Variants in PKN2 observed in about 807,000 individuals in gnomAD.
PKN2 encodes the protein serine/threonine-protein kinase N2.
PKN2 carries 38 observed loss-of-function variants against 119.1 expected under a neutral mutation model. That is an observed-to-expected ratio of 0.32 (90% CI 0.25 to 0.42). The LOEUF (loss-of-function observed/expected upper bound fraction) is 0.42. Among genes scored for constraint, PKN2 ranks in the 10% least tolerant of loss-of-function variants. PKN2 has a pLI of 1.00. For missense variants in PKN2, 850 were observed against 1,165.1 expected, an observed-to-expected ratio of 0.73 and a Z score of 3.94; for synonymous variants, 390 against 384.9, an observed-to-expected ratio of 1.01 and a Z score of -0.15.
chr1:88,737,461 G>C (rs934101820), intron 1 of PKN2, among the ~76,000 whole-genome samples: 3 of 151,922 alleles, frequency 2.0e-5, no homozygotes, highest in Admixed American at 2.0e-4. Context: ...CCCAGTAGAT[G>C]GAGGCACTCT....
rs1445318916 is a variant in PKN2 at position 88,770,435 on chromosome 1, G to A, written c.588G>A (p.Gln196=). 2 of 1,610,948 alleles carry A rather than the reference G, an allele frequency of 1.2e-6. No individual in the cohort carries two copies. The highest frequency in any genetic ancestry group is 1.1e-5 in the South Asian group (1 of 91,020). ...AAGTCATACGAATGCAGATTCTTCA[G>A]GCAGTCCAGACTAATGAATTGGCTT... ...KIEVIRMQIL[Q]AVQTNELAFD... The change falls in exon 4 of 22, where the codon CAG becomes CAA. Residue 196 remains glutamine (Q), a synonymous_variant. Transcript: ENST00000370521.
At chr1:88,699,789 TTTTTTA>T (rs1268857406) in intron 1 of PKN2, among the ~76,000 whole-genome samples, 2 of 152,096 alleles carry the variant, frequency 1.3e-5, no homozygotes, top group African/African-American at 2.4e-5. Context: ...AATTTTTTTA[TTTTTTA>T]TTTTTGAGAT....
intron 1 of PKN2, among the ~76,000 whole-genome samples, chr1:88,737,491 G>A (rs370051434): frequency 3.3e-5 from 5 of 152,136 alleles, no homozygotes; most frequent in Admixed American, 6.5e-5. Flanking sequence ...GCTGCCTAGG[G>A]TTGGAAGAAG....
intron 8 of PKN2, among the ~76,000 whole-genome samples, chr1:88,794,110 G>C (rs1670959975): frequency 6.6e-6 from 1 of 152,198 alleles, no homozygotes; most frequent in Non-Finnish European, 1.5e-5. Context: ...GCTCACGCCT[G>C]TAATCCCAGC....
chr1:88,782,546 A>G lies in PKN2; in HGVS notation c.986-2093A>G, dbSNP rs6659957. Among the ~76,000 whole-genome samples, 649 of 151,764 alleles carry G rather than the reference A, an allele frequency of 4.3e-3. 2 individuals are homozygous for G. Among genetic ancestry groups the G allele is most frequent in the African/African-American group, 0.015 (611 of 41,368 alleles). ...TCTTTAGTGTCTTCTATTTTTGATA[A>G]TTTCTTTGCTGTGTCTTCAAGGACA... On this transcript the variant is annotated intron_variant, in intron 6 of 21. Coordinates refer to ENST00000370521, the MANE Select transcript of PKN2 (RefSeq NM_006256.4).
Position 88,833,384 on chromosome 1 carries a change from G to C in PKN2, c.2891G>C (p.Arg964Thr), listed in dbSNP as rs761812508. 3 of 1,613,246 alleles carry C rather than the reference G, an allele frequency of 1.9e-6. No individual in the cohort carries two copies. The Admixed American group carries it at 5.0e-5, about 27-fold the overall frequency. ...ATTCTGACTCCACCTCGAGAACCAA[G>C]GATACTTTCGGAAGAGGAGCAGGAA... The part of the protein sequence containing the change: ...APILTPPREP[R>T]ILSEEEQEMF... The change falls in exon 22 of 22, where the codon AGG becomes ACG. Residue 964 changes from arginine to threonine, a missense_variant. Transcript: ENST00000370521.
intron 6 of PKN2, among the ~76,000 whole-genome samples, chr1:88,784,287 C>G (rs916395658): frequency 6.6e-6 from 1 of 151,836 alleles, no homozygotes; most frequent in Non-Finnish European, 1.5e-5. Flanking sequence ...CCTCGCCCAG[C>G]TAATTTTTTG....
intron 1 of PKN2, among the ~76,000 whole-genome samples, chr1:88,734,238 A>G (rs1276535478): frequency 6.6e-6 from 1 of 151,494 alleles, no homozygotes; most frequent in African/African-American, 2.4e-5. Context: ...TTTGTTGCCC[A>G]TGCTTTTCAG....
chr1:88,694,816 A>G (rs953315152), intron 1 of PKN2, among the ~76,000 whole-genome samples: 2 of 152,168 alleles, frequency 1.3e-5, no homozygotes, highest in African/African-American at 2.4e-5. Flanking sequence ...GTATCATGGT[A>G]TCTCATTTCT....
chr1:88,742,372 T>C (rs1361023176), intron 2 of PKN2, among the ~76,000 whole-genome samples: 1 of 152,172 alleles, frequency 6.6e-6, no homozygotes, highest in Admixed American at 6.6e-5. Context: ...TTAAAACTTG[T>C]TTTTCGACAT....
chr1:88,760,114 A>G, intron 2 of PKN2, 108 bp from the exon 3 acceptor site: 1 of 610,682 alleles, frequency 1.6e-6, no homozygotes, highest in Non-Finnish European at 2.9e-6. Flanking sequence ...GATTTCATTT[A>G]GGCTCATCTC....
intron 1 of PKN2, among the ~76,000 whole-genome samples, chr1:88,726,376 T>A (rs1357496428): frequency 6.6e-6 from 1 of 152,194 alleles, no homozygotes; most frequent in African/African-American, 2.4e-5. Context: ...GTTTTTGCCA[T>A]GTATAGCTCT....
intron 9 of PKN2, 95 bp downstream of exon 9, chr1:88,804,629 G>A (rs1223896453): frequency 8.0e-7 from 1 of 1,255,170 alleles, no homozygotes; most frequent in South Asian, 1.4e-5. Context: ...TAGGCTGAAA[G>A]ACAGATGACT....
At chr1:88,695,649 C>G (rs1332133354) in intron 1 of PKN2, among the ~76,000 whole-genome samples, 2 of 152,080 alleles carry the variant, frequency 1.3e-5, no homozygotes, top group African/African-American at 4.8e-5. Flanking sequence ...GTTTTCTTGT[C>G]TTTACTTTCA....
At chr1:88,703,794 A>G (rs1012203481) in intron 1 of PKN2, among the ~76,000 whole-genome samples, 9 of 152,130 alleles carry the variant, frequency 5.9e-5, no homozygotes, top group African/African-American at 2.2e-4. Flanking sequence ...AGGTTAGAAA[A>G]ATGAGACCCA....
At chr1:88,716,694 A>C (rs1302237976) in intron 1 of PKN2, among the ~76,000 whole-genome samples, 1 of 151,766 alleles carries the variant, frequency 6.6e-6, no homozygotes, top group Non-Finnish European at 1.5e-5. Flanking sequence ...GTGTCTCTGT[A>C]CATGAGATGG....
At chr1:88,817,255 C>T (rs1397280762) in intron 16 of PKN2, among the ~76,000 whole-genome samples, 3 of 152,072 alleles carry the variant, frequency 2.0e-5, no homozygotes, top group Non-Finnish European at 4.4e-5. Context: ...ACACACAAAT[C>T]AATAAACGTA....
chr1:88,711,676 G>A (rs1667240295), intron 1 of PKN2, among the ~76,000 whole-genome samples: 1 of 152,090 alleles, frequency 6.6e-6, no homozygotes, highest in African/African-American at 2.4e-5. Flanking sequence ...AATGTTTGTA[G>A]AATGCTTATA....
At chr1:88,739,767 G>A (rs1057189612) in intron 1 of PKN2, among the ~76,000 whole-genome samples, 10 of 152,180 alleles carry the variant, frequency 6.6e-5, no homozygotes, top group African/African-American at 1.9e-4. Flanking sequence ...TTTAGTTGTT[G>A]TAAATATAGA....
Sources: allele counts gnomAD v4.1 joint callset (sites outside exome capture counted in the v4.1 genomes callset), GRCh38; gene constraint gnomAD v4.1.1; transcripts MANE v1.5; gene names NCBI Gene and HGNC (gene_info 2026-07-23, HGNC 2026-07-21).